The following ABCG2 variants were observed in gnomAD, a reference collection of about 807,000 sequenced individuals.
ABCG2 encodes the protein ATP binding cassette subfamily G member 2 (JR blood group), also known as broad substrate specificity ATP-binding cassette transporter ABCG2.
A neutral mutation model predicts 73.5 loss-of-function variants in ABCG2; 80 were observed. The ratio of observed to expected loss-of-function variants is 1.09; its 90% CI spans 0.91 to 1.31. The LOEUF is 1.31. Ranked by LOEUF, ABCG2 falls within the 50% of genes most tolerant of loss-of-function variation. ABCG2 has a pLI of 0.00. For missense variants in ABCG2, 796 were observed against 786.2 expected (o/e 1.01, Z -0.15); for synonymous variants, 269 against 282.4 (o/e 0.95, Z 0.48).
intron 1 of ABCG2, among the ~76,000 whole-genome samples, chr4:88,194,509 C>T (rs1242686718): frequency 8.5e-6 from 1 of 117,942 alleles, no homozygotes; most frequent in Non-Finnish European, 1.6e-5. Context: ...GAGATCTGGC[C>T]ACTGCACTCC....
intron 1 of ABCG2, among the ~76,000 whole-genome samples, chr4:88,187,336 G>C (rs1393715264): frequency 1.3e-5 from 2 of 152,104 alleles, no homozygotes; most frequent in African/African-American, 4.8e-5. Flanking sequence ...ATGTTGACCA[G>C]GTGCGGTGGC....
chr4:88,144,944 C>T (rs1725884266), intron 1 of ABCG2, among the ~76,000 whole-genome samples: 1 of 151,660 alleles, frequency 6.6e-6, no homozygotes, highest in South Asian at 2.1e-4. Context: ...ACAACATTTT[C>T]ATACAATGAA....
intron 1 of ABCG2, among the ~76,000 whole-genome samples, chr4:88,184,480 GA>G (rs768708371): frequency 3.3e-5 from 5 of 151,948 alleles, no homozygotes; most frequent in Non-Finnish European, 2.9e-5. Flanking sequence ...AAATACCTAG[GA>G]ATTAACTTAA....
At chr4:88,194,765 G>A (rs930802647) in intron 1 of ABCG2, among the ~76,000 whole-genome samples, 5 of 152,098 alleles carry the variant, frequency 3.3e-5, no homozygotes, top group Admixed American at 1.3e-4. Flanking sequence ...ACAGGAAAGC[G>A]CTTGGCATCT....
intron 1 of ABCG2, among the ~76,000 whole-genome samples, chr4:88,217,748 G>A (rs950814786): frequency 2.6e-5 from 4 of 152,058 alleles, no homozygotes; most frequent in Admixed American, 6.6e-5. Context: ...GTGAGGCAGC[G>A]GGGTCTCTTG....
rs574319601 is a variant in ABCG2 at position 88,132,800 on chromosome 4, G to C, written c.204-165C>G. ...CAAACAAACAAAACAGGTCATGCAT[G>C]GTGGCTCAGGCCTGTAATCCCAGCA... On this transcript the variant is annotated intron_variant, in intron 2 of 15. Transcript: ENST00000237612. Among the ~76,000 whole-genome samples the C allele has an allele frequency of 6.9e-4, 105 of 152,242 alleles. 1 individual carries two copies. Among genetic ancestry groups the C allele is most frequent in the Middle Eastern group, 3.4e-3 (1 of 294 alleles).
chr4:88,140,075 G>A, intron 1 of ABCG2, 61 bp from the exon 2 acceptor site: 2 of 1,369,428 alleles, frequency 1.5e-6, no homozygotes, highest in Admixed American at 4.4e-5. Flanking sequence ...CAAACACTAG[G>A]TGACAATACA....
At chr4:88,165,028 C>T (rs892280740) in intron 1 of ABCG2, among the ~76,000 whole-genome samples, 4 of 152,156 alleles carry the variant, frequency 2.6e-5, no homozygotes, top group Non-Finnish European at 5.9e-5. Flanking sequence ...ATCTGCCTGC[C>T]TTGGACTCCC....
At chr4:88,202,175 A>G (rs1259578360) in intron 1 of ABCG2, among the ~76,000 whole-genome samples, 2 of 151,302 alleles carry the variant, frequency 1.3e-5, no homozygotes, top group Non-Finnish European at 2.9e-5. Flanking sequence ...CTACTAATGG[A>G]TAAAGTCCCA....
In ABCG2 at chr4:88,114,999, C is replaced by G; in HGVS notation, c.901G>C (p.Asp301His). 1 of 1,612,922 alleles carries G rather than the reference C, an allele frequency of 6.2e-7. No individual in the cohort carries two copies. The highest frequency in any genetic ancestry group is 8.5e-7 in the Non-Finnish European group (1 of 1,179,388). ...ADFFLDIING[D>H]STAVALNREE... ...CTGTTTAATGCCACAGCAGTGGAAT[C>G]TCCATTAATGATGTCCAAGAAGAAG... Residue 301 changes from aspartate (D) to histidine (H), a missense_variant, in exon 8 of 16, where the codon GAT becomes CAT. Transcript: ENST00000237612.
chr4:88,151,568 C>T (rs1726482180), intron 1 of ABCG2, among the ~76,000 whole-genome samples: 1 of 152,030 alleles, frequency 6.6e-6, no homozygotes, highest in Non-Finnish European at 1.5e-5. Flanking sequence ...GAAACCCCAT[C>T]TCTACTAAAA....
intron 1 of ABCG2, among the ~76,000 whole-genome samples, chr4:88,182,135 T>C (rs1451627596): frequency 6.6e-6 from 1 of 152,022 alleles, no homozygotes; most frequent in Non-Finnish European, 1.5e-5. Context: ...GCTATATATA[T>C]GTAAGACAAA....
intron 1 of ABCG2, among the ~76,000 whole-genome samples, chr4:88,195,983 G>A (rs1216272410): frequency 1.3e-5 from 2 of 152,170 alleles, no homozygotes; most frequent in African/African-American, 2.4e-5. Context: ...GATCTTATCA[G>A]GAAGTTGCTG....
At chr4:88,113,663 CT>C in intron 8 of ABCG2, 110 bp from the exon 9 acceptor site, 1 of 1,405,538 alleles carries the variant, frequency 7.1e-7, no homozygotes, top group Non-Finnish European at 9.6e-7. Flanking sequence ...CATTCTAAAG[CT>C]TTAGAAAGAA....
intron 1 of ABCG2, among the ~76,000 whole-genome samples, chr4:88,221,062 A>G (rs1003491640): frequency 3.9e-5 from 6 of 152,184 alleles, no homozygotes; most frequent in Admixed American, 1.3e-4. Flanking sequence ...TGAGGTCAGG[A>G]GTTCAAGATC....
At chr4:88,166,537 C>T (rs1207956935) in intron 1 of ABCG2, among the ~76,000 whole-genome samples, 1 of 152,118 alleles carries the variant, frequency 6.6e-6, no homozygotes, top group African/African-American at 2.4e-5. Flanking sequence ...AAGCACTGGA[C>T]CTAAGTTGGC....
At chr4:88,211,358 G>GGGGGGGGC in intron 1 of ABCG2, among the ~76,000 whole-genome samples, 2 of 33,674 alleles carry the variant, frequency 5.9e-5, no homozygotes, top group South Asian at 1.5e-3. Context: ...TTCAACCCCT[G>GGGGGGGGC]CCCCACCCCC....
intron 5 of ABCG2, among the ~76,000 whole-genome samples, chr4:88,126,580 T>A (rs922570413): frequency 3.3e-5 from 5 of 152,192 alleles, no homozygotes. Flanking sequence ...TTATCCACCA[T>A]GATCAAGTCA....
At chr4:88,113,765 A>G (rs1344817402) in intron 8 of ABCG2, among the ~76,000 whole-genome samples, 1 of 151,912 alleles carries the variant, frequency 6.6e-6, no homozygotes, top group African/African-American at 2.4e-5. Flanking sequence ...GTTCGAGACC[A>G]GCCTGACCAA....
Sources: gnomAD v4.1 joint callset for allele counts (sites outside exome capture counted in the v4.1 genomes callset) on GRCh38, gnomAD v4.1.1 for gene constraint, MANE v1.5 for transcripts, NCBI Gene and HGNC (gene_info 2026-07-23, HGNC 2026-07-21) for gene names.